Variants in BRIP1 observed in about 807,000 individuals in gnomAD.
The protein encoded by BRIP1 is BRCA1 interacting DNA helicase 1.
Under a neutral mutation model 119.7 loss-of-function variants are expected in BRIP1, and 88 were observed. The observed-to-expected ratio is 0.74, with a 90% confidence interval of 0.62 to 0.88. The LOEUF is 0.88. Ranked by LOEUF, BRIP1 falls within the 40% of genes least tolerant of loss-of-function variation. The probability of loss-of-function intolerance (pLI) is 0.00; values close to 1 mark genes in which losing one functional copy is unlikely to be tolerated. For synonymous variants in BRIP1, 443 were observed against 496.5 expected, an observed-to-expected ratio of 0.89 and a Z score of 1.43; for missense variants, 1,259 against 1,455.4, an observed-to-expected ratio of 0.87 and a Z score of 2.20.
chr17:61,764,178 T>C (rs191694175), intron 14 of BRIP1, among the ~76,000 whole-genome samples: 12 of 152,338 alleles, frequency 7.9e-5, no homozygotes, highest in African/African-American at 2.4e-4. Flanking sequence ...AGTGTGTCAA[T>C]TGTGCATCTG....
rs759219379 is a variant in BRIP1 at position 61,722,983 on chromosome 17, T to C, written c.2380-6920A>G. ...AAACAAAACCCTGAAATGAACTGTA[T>C]ATAAAGGTTAACTTTGAAATAGTTC... On this transcript the variant is annotated intron_variant, in intron 16 of 19. Coordinates refer to ENST00000259008, the MANE Select transcript of BRIP1 (RefSeq NM_032043.3). This position sits in a 1 kb window ranked among gnomAD's most constrained non-coding sequence, Gnocchi z 4.6. 3.3e-5 allele frequency among the ~76,000 whole-genome samples: 5 copies of C among 152,156 alleles called. No homozygotes were observed. The highest frequency in any genetic ancestry group is 7.3e-5 in the Non-Finnish European group (5 of 68,028).
intron 14 of BRIP1, among the ~76,000 whole-genome samples, chr17:61,766,365 A>G (rs2077373982): frequency 1.3e-5 from 2 of 152,112 alleles, no homozygotes; most frequent in Admixed American, 1.3e-4. Context: ...GAGATATACA[A>G]CCTCTCTACC....
In BRIP1 at chr17:61,742,229, C is replaced by T. The variant is rs144940186; in HGVS notation, c.2379+784G>A. The stretch of plus-strand genomic sequence containing the variant: ...TCACAGAATTGAAGAGAGTTAGGGC[C>T]TTGCTCTGAATTAAGTTTTGGCTTA... On this transcript the variant is annotated intron_variant, in intron 16 of 19. Transcript: ENST00000259008. This position sits in a 1 kb window ranked among gnomAD's most constrained non-coding sequence, Gnocchi z 4.7. Among the ~76,000 whole-genome samples, 121 of 152,334 alleles carry T rather than the reference C, an allele frequency of 7.9e-4. No individual in the cohort carries two copies. The highest frequency in any genetic ancestry group is 3.4e-3 in the Middle Eastern group (1 of 294).
rs1714108577 is a variant in BRIP1 at position 61,739,708 on chromosome 17, AACTG to A, written c.2379+3301_2379+3304del. 1.3e-5 allele frequency among the ~76,000 whole-genome samples: 2 copies of A among 152,192 alleles called. No individual in the cohort carries two copies. Among genetic ancestry groups the A allele is most frequent in the Admixed American group, 1.3e-4 (2 of 15,268 alleles). ...AACTCCTGCTTTGGTATGAGACCCT[AACTG>A]ACTGTATCCTAGGGGGAGGGATATA... On this transcript the variant is annotated intron_variant, in intron 16 of 19. Coordinates refer to ENST00000259008, the MANE Select transcript of BRIP1 (RefSeq NM_032043.3). The surrounding 1 kb of genome is among the most constrained non-coding windows in gnomAD (Gnocchi z 6.0).
At chr17:61,833,534 G>T (rs1325426158) in intron 6 of BRIP1, among the ~76,000 whole-genome samples, 1 of 152,050 alleles carries the variant, frequency 6.6e-6, no homozygotes, top group Non-Finnish European at 1.5e-5. Context: ...AGCCAGGCAT[G>T]GTGGCAGGCA....
In BRIP1 at chr17:61,776,515, A is replaced by C. The variant is rs1603328829; in HGVS notation, c.1983T>G (p.Cys661Trp). The change falls in exon 14 of 20, where the codon TGT becomes TGG. Residue 661 changes from cysteine to tryptophan, a missense_variant. Around this residue, in one of 3 missense-constraint regions of BRIP1, gnomAD observed 753 missense variants for 891.8 expected, o/e 0.84. Transcript: ENST00000259008. The surrounding 1 kb of genome is among the most constrained non-coding windows in gnomAD (Gnocchi z 5.0). ...IGSGPKGRNL[C>W]ATFQNTETFE... ...ATGTTTCAGTATTCTGGAAGGTAGC[A>C]CAGAGATTCCGACCCTTGGGGCCTG... 6.2e-7 allele frequency: 1 copy of C among 1,614,178 alleles called. No homozygotes were observed. The highest frequency in any genetic ancestry group is 1.3e-5 in the African/African-American group (1 of 75,054).
Position 61,861,673 on chromosome 17 carries a change from A to C in BRIP1, c.-30-104T>G. 1 of 706,198 alleles carries C rather than the reference A, an allele frequency of 1.4e-6. No individual in the cohort carries two copies. Among genetic ancestry groups the C allele is most frequent in the Non-Finnish European group, 2.5e-6 (1 of 394,522 alleles). 43.7% of individuals were successfully genotyped at this position (706,198 alleles called of 1,614,324 possible). ...CTGGAAACAGAAACTGGAATTAATA[A>C]AAGTATAAACAAAACAAATGGAAAC... is the stretch of plus-strand genomic sequence containing the variant. On this transcript the variant is annotated intron_variant, in intron 1 of 19. Transcript: ENST00000259008. This position sits in a 1 kb window ranked among gnomAD's most constrained non-coding sequence, Gnocchi z 4.5.
intron 6 of BRIP1, among the ~76,000 whole-genome samples, chr17:61,817,663 A>G (rs567720908): frequency 1.3e-5 from 2 of 152,238 alleles, no homozygotes; most frequent in Non-Finnish European, 2.9e-5. Flanking sequence ...TAATTAGTAC[A>G]ACTAACTGAA....
At chr17:61,727,781 TC>T (rs2076786742) in intron 16 of BRIP1, among the ~76,000 whole-genome samples, 1 of 147,202 alleles carries the variant, frequency 6.8e-6, no homozygotes, top group Admixed American at 6.8e-5. Flanking sequence ...TCTCTCTCTC[TC>T]TCTCTCTCTA....
rs1193125848 is a variant in BRIP1 at position 61,756,368 on chromosome 17, CA to C, written c.2098-11778del. ...GCTGTCTCTCAGGTCTTATGGCTTA[CA>C]TATATGAAAAATGTGAGGTATCTTT... On this transcript the variant is annotated intron_variant, in intron 14 of 19. Transcript: ENST00000259008. This position sits in a 1 kb window ranked among gnomAD's most constrained non-coding sequence, Gnocchi z 4.3. Among the ~76,000 whole-genome samples the C allele has an allele frequency of 6.6e-6, 1 of 152,138 alleles. No individual in the cohort carries two copies. The highest frequency in any genetic ancestry group is 1.5e-5 in the Non-Finnish European group (1 of 68,020).
chr17:61,784,795 C>G (rs947831900), intron 10 of BRIP1, among the ~76,000 whole-genome samples: 12 of 152,150 alleles, frequency 7.9e-5, no homozygotes, highest in African/African-American at 2.9e-4. Context: ...CTGTACAAAC[C>G]AGCTCCCCTT....
chr17:61,733,113 T>C (rs776618853), intron 16 of BRIP1, among the ~76,000 whole-genome samples: 2 of 152,230 alleles, frequency 1.3e-5, no homozygotes, highest in Non-Finnish European at 2.9e-5. Context: ...TATACTACAG[T>C]CCTTTGCATT....
chr17:61,683,378 A>C lies in BRIP1; in HGVS notation c.3668T>G (p.Leu1223Arg), dbSNP rs2144068065. The change falls in exon 20 of 20, where the codon CTG becomes CGG. Residue 1223 changes from leucine to arginine, a missense_variant. Physicochemically the swap from Leu to Arg is moderately radical, Grantham distance 102. This residue lies in a region of BRIP1 where 753 missense variants were observed against 891.8 expected (regional missense o/e 0.84). Transcript: ENST00000259008. This position sits in a 1 kb window ranked among gnomAD's most constrained non-coding sequence, Gnocchi z 4.7. ...VKTTWINELE[L>R]GKTHEIEIKN... Reference sequence around the variant, plus strand: ...TATTTCTATTTCATGAGTTTTTCCCAGTTCCAGTTCATTTATCCAAGTTGT... The same window carrying C: ...TATTTCTATTTCATGAGTTTTTCCCCGTTCCAGTTCATTTATCCAAGTTGT... The C allele has an allele frequency of 1.2e-6, 2 of 1,612,746 alleles. No homozygotes were observed. The highest frequency in any genetic ancestry group is 2.2e-5 in the South Asian group (2 of 90,722).
intron 4 of BRIP1, among the ~76,000 whole-genome samples, chr17:61,854,702 CAAAAA>C (rs60657866): frequency 1.2e-5 from 1 of 82,316 alleles, no homozygotes; most frequent in African/African-American, 4.2e-5. Flanking sequence ...GACTCCGTCT[CAAAAA>C]AAAAAAAAAA....
At position 61,683,979 on chromosome 17, in the gene BRIP1, G is replaced by T. The variant is rs2144089488; in HGVS notation, c.3067C>A (p.Leu1023Ile). The change falls in exon 20 of 20, where the codon CTC (leucine) becomes ATC (isoleucine). Residue 1023 changes from leucine (L) to isoleucine (I), a missense_variant. Leu to Ile is a conservative substitution (Grantham distance 5). Around this residue, in one of 3 missense-constraint regions of BRIP1, gnomAD observed 753 missense variants for 891.8 expected, o/e 0.84. Coordinates refer to ENST00000259008, the MANE Select transcript of BRIP1 (RefSeq NM_032043.3). The surrounding 1 kb of genome is among the most constrained non-coding windows in gnomAD (Gnocchi z 4.7). ...GAGGCACTATTCTCTGATGACCCGA[G>T]CTCAGGTGTTGCCTTCGGTATTTTA... Reference protein sequence around the residue: ...TGKIPKATPELGSSENSASSP... With the variant: ...TGKIPKATPEIGSSENSASSP... The T allele has an allele frequency of 6.2e-7, 1 of 1,614,116 alleles. No individual in the cohort carries two copies. The highest frequency in any genetic ancestry group is 1.3e-5 in the African/African-American group (1 of 75,026).
rs2077524398 is a variant in BRIP1 at position 61,775,873 on chromosome 17, T to G, written c.2097+528A>C. ...TATAATTAACATTGCTTGAAGACTT[T>G]TATTCTTTCAGATTATTTTATTTTA... On this transcript the variant is annotated intron_variant, in intron 14 of 19. Coordinates refer to ENST00000259008, the MANE Select transcript of BRIP1 (RefSeq NM_032043.3). This position sits in a 1 kb window ranked among gnomAD's most constrained non-coding sequence, Gnocchi z 4.4. 6.4e-6 allele frequency: 1 copy of G among 155,074 alleles called. No individual in the cohort carries two copies. The highest frequency in any genetic ancestry group is 1.4e-5 in the Non-Finnish European group (1 of 69,894). 9.6% of individuals were successfully genotyped at this position (155,074 alleles called of 1,614,324 possible). A position where few individuals can be genotyped will look rare whatever the true frequency, so the allele number is the denominator to read the frequency against.
In BRIP1 at chr17:61,808,836, C is replaced by G. The variant is rs1293385462; in HGVS notation, c.628-79G>C. The G allele has an allele frequency of 7.3e-7, 1 of 1,374,468 alleles. No homozygotes were observed. The highest frequency in any genetic ancestry group is 1.0e-6 in the Non-Finnish European group (1 of 982,644). 85.1% of individuals were successfully genotyped at this position (1,374,468 alleles called of 1,614,324 possible). A position where few individuals can be genotyped will look rare whatever the true frequency, so the allele number is the denominator to read the frequency against. On this transcript the variant is annotated intron_variant, in intron 6 of 19. Coordinates refer to ENST00000259008, the MANE Select transcript of BRIP1 (RefSeq NM_032043.3). This position sits in a 1 kb window ranked among gnomAD's most constrained non-coding sequence, Gnocchi z 4.1. ...TATCAAACCTCACATGGAATCAGAA[C>G]CTGTAAGTAATGAATCACAATGGTC...
chr17:61,859,578 A>T (rs896573256), intron 3 of BRIP1, among the ~76,000 whole-genome samples: 8 of 152,240 alleles, frequency 5.3e-5, no homozygotes, highest in Admixed American at 1.3e-4. Context: ...CCGACTCATC[A>T]AAAGACTAAA....
chr17:61,783,211 G>C (rs774171175), intron 11 of BRIP1, among the ~76,000 whole-genome samples: 1 of 152,248 alleles, frequency 6.6e-6, no homozygotes, highest in Middle Eastern at 3.4e-3. Context: ...GTATTATTCA[G>C]CCATAGAAAG....
Sources: gnomAD v4.1 joint callset for allele counts (sites outside exome capture counted in the v4.1 genomes callset) on GRCh38, gnomAD v4.1.1 for gene constraint, gnomAD v4.1.1 regional missense constraint, Gnocchi (gnomAD v3.1) non-coding constraint, MANE v1.5 for transcripts, NCBI Gene and HGNC (gene_info 2026-07-23, HGNC 2026-07-21) for gene names.